NR6A1: variants seen among roughly 807,000 people sequenced by gnomAD.
NR6A1 encodes retinoic acid receptor-related testis-associated receptor.
Under a neutral mutation model 59.1 loss-of-function variants are expected in NR6A1, and 7 were observed. The observed-to-expected ratio is 0.12, with a 90% CI of 0.07 to 0.22. NR6A1 has a LOEUF of 0.22. Among genes scored for constraint, NR6A1 ranks in the 10% least tolerant of loss-of-function variants. The pLI, the probability that NR6A1 is intolerant of heterozygous loss-of-function variation, is 1.00. For synonymous variants in NR6A1, 243 were observed against 236.1 expected, an observed-to-expected ratio of 1.03 and a Z score of -0.27; for missense variants, 468 against 611.6, an observed-to-expected ratio of 0.77 and a Z score of 2.48.
chr9:124,641,223 G>T (rs1187804158), intron 2 of NR6A1, among the ~76,000 whole-genome samples: 2 of 152,028 alleles, frequency 1.3e-5, no homozygotes, highest in Non-Finnish European at 2.9e-5. Context: ...GCTGAGCATG[G>T]TGGTGCATGC....
intron 2 of NR6A1, among the ~76,000 whole-genome samples, chr9:124,680,464 C>T (rs1014304528): frequency 4.6e-5 from 7 of 152,002 alleles, no homozygotes; most frequent in Admixed American, 3.9e-4. Flanking sequence ...ATAGTGTTTA[C>T]AGTATGAACA....
intron 2 of NR6A1, among the ~76,000 whole-genome samples, chr9:124,662,296 A>G (rs1837464157): frequency 6.6e-6 from 1 of 152,178 alleles, no homozygotes; most frequent in African/African-American, 2.4e-5. Context: ...TATCACAGCA[A>G]TGGACAATAT....
intron 2 of NR6A1, among the ~76,000 whole-genome samples, chr9:124,719,243 C>T (rs1839494517): frequency 6.6e-6 from 1 of 151,888 alleles, no homozygotes; most frequent in Admixed American, 6.6e-5. Context: ...TGTGCCGCCA[C>T]ACCCAGCTAA....
intron 2 of NR6A1, among the ~76,000 whole-genome samples, chr9:124,722,372 T>G (rs955029849): frequency 6.6e-6 from 1 of 152,248 alleles, no homozygotes; most frequent in African/African-American, 2.4e-5. Flanking sequence ...TGCAGACATT[T>G]GGGCTTATAT....
intron 2 of NR6A1, among the ~76,000 whole-genome samples, chr9:124,561,771 G>T (rs1038567504): frequency 6.6e-6 from 1 of 152,072 alleles, no homozygotes; most frequent in African/African-American, 2.4e-5. Context: ...AATCAGCCAG[G>T]CATGGTGGTA....
At chr9:124,550,489 G>C (rs1833745030) in intron 3 of NR6A1, among the ~76,000 whole-genome samples, 1 of 150,518 alleles carries the variant, frequency 6.6e-6, no homozygotes, top group African/African-American at 2.4e-5. Context: ...AGAGTAGCCG[G>C]GACTGTAGGC....
chr9:124,604,557 C>T (rs555301104), intron 2 of NR6A1, among the ~76,000 whole-genome samples: 151 of 152,108 alleles, frequency 9.9e-4, no homozygotes, highest in Non-Finnish European at 1.8e-3. Flanking sequence ...ACCTGTAATC[C>T]CCGCACTTTG....
At chr9:124,602,959 C>T (rs1226095654) in intron 2 of NR6A1, among the ~76,000 whole-genome samples, 2 of 152,162 alleles carry the variant, frequency 1.3e-5, no homozygotes, top group African/African-American at 4.8e-5. Flanking sequence ...TTCCATTTGC[C>T]TGGAATAACT....
chr9:124,616,941 C>T (rs1835911635), intron 2 of NR6A1, among the ~76,000 whole-genome samples: 1 of 152,202 alleles, frequency 6.6e-6, no homozygotes, highest in African/African-American at 2.4e-5. Context: ...ATTTAAACTA[C>T]ACACACCCTG....
intron 2 of NR6A1, among the ~76,000 whole-genome samples, chr9:124,708,341 A>G (rs1839190874): frequency 6.6e-6 from 1 of 152,222 alleles, no homozygotes; most frequent in Non-Finnish European, 1.5e-5. Flanking sequence ...GAACAGGCCC[A>G]GGCAACACGA....
Position 124,712,739 on chromosome 9 carries a change from T to G in NR6A1, c.142+20569A>C, listed in dbSNP as rs1035705344. On this transcript the variant is annotated intron_variant, in intron 2 of 9. Coordinates refer to ENST00000487099, the MANE Select transcript of NR6A1 (RefSeq NM_033334.4). ...GTTGAATTCAGCAACACTGGAAAAT[T>G]ATAATACATCACTGACCACATGAGG... Among the ~76,000 whole-genome samples the G allele has an allele frequency of 1.1e-4, 17 of 152,324 alleles. 1 individual carries two copies. Among genetic ancestry groups the G allele is most frequent in the African/African-American group, 3.8e-4 (16 of 41,576 alleles).
chr9:124,760,334 TAAAAA>T (rs930365920), intron 1 of NR6A1, among the ~76,000 whole-genome samples: 1 of 151,332 alleles, frequency 6.6e-6, no homozygotes, highest in Non-Finnish European at 1.5e-5. Context: ...TAAATAAAAA[TAAAAA>T]TAAAATAAAA....
At chr9:124,634,100 GATAA>G (rs1162345576) in intron 2 of NR6A1, among the ~76,000 whole-genome samples, 1 of 152,130 alleles carries the variant, frequency 6.6e-6, no homozygotes, top group Non-Finnish European at 1.5e-5. Flanking sequence ...AGCCTGTCAT[GATAA>G]ATAATTATAT....
intron 2 of NR6A1, among the ~76,000 whole-genome samples, chr9:124,641,657 A>G (rs988698490): frequency 1.3e-5 from 2 of 152,220 alleles, no homozygotes; most frequent in African/African-American, 4.8e-5. Flanking sequence ...TGACTGCTCC[A>G]GCCTGTGCAA....
Position 124,520,623 on chromosome 9 carries a change from T to C in NR6A1, c.*2082A>G, listed in dbSNP as rs943779443. 1 of 152,256 alleles carries C rather than the reference T, an allele frequency of 6.6e-6. No individual in the cohort carries two copies. Among genetic ancestry groups the C allele is most frequent in the Non-Finnish European group, 1.5e-5 (1 of 68,052 alleles). 9.4% of individuals were successfully genotyped at this position (152,256 alleles called of 1,614,324 possible). A position where few individuals can be genotyped will look rare whatever the true frequency, so the allele number is the denominator to read the frequency against. ...GAGGCCTCAGCAAAGAACGATGCTG[T>C]ACACAGGAGCTGTCTTAGAGAAGGC... is the stretch of plus-strand genomic sequence containing the variant. On this transcript the variant is annotated 3_prime_UTR_variant, in exon 10 of 10. Transcript: ENST00000487099.
intron 2 of NR6A1, among the ~76,000 whole-genome samples, chr9:124,655,998 T>C (rs1837247421): frequency 6.6e-6 from 1 of 152,190 alleles, no homozygotes; most frequent in Admixed American, 6.5e-5. Flanking sequence ...ACCCCTTATG[T>C]TGGTGGTGGG....
chr9:124,575,318 A>G (rs1041335435), intron 2 of NR6A1, among the ~76,000 whole-genome samples: 2 of 152,190 alleles, frequency 1.3e-5, no homozygotes, highest in African/African-American at 4.8e-5. Context: ...TCATGCCTGT[A>G]ATCCTAGCAC....
At chr9:124,531,457 C>T (rs1272514967) in intron 7 of NR6A1, among the ~76,000 whole-genome samples, 2 of 152,182 alleles carry the variant, frequency 1.3e-5, no homozygotes, top group Non-Finnish European at 2.9e-5. Flanking sequence ...CTCACTTGCA[C>T]TCAAGAGTTG....
At chr9:124,684,523 C>T (rs1384705732) in intron 2 of NR6A1, among the ~76,000 whole-genome samples, 1 of 152,170 alleles carries the variant, frequency 6.6e-6, no homozygotes, top group African/African-American at 2.4e-5. Context: ...CAACTCTCTC[C>T]TGAGGATGGA....
Sources: allele counts gnomAD v4.1 joint callset (sites outside exome capture counted in the v4.1 genomes callset), GRCh38; gene constraint gnomAD v4.1.1; transcripts MANE v1.5; gene names NCBI Gene and HGNC (gene_info 2026-07-23, HGNC 2026-07-21).